STAG3: variants seen among roughly 807,000 people sequenced by gnomAD.
STAG3 encodes the protein STAG3 cohesin complex component.
Under a neutral mutation model 160.7 loss-of-function variants are expected in STAG3, and 101 were observed. The ratio of observed to expected loss-of-function variants is 0.63; its 90% CI spans 0.54 to 0.74. STAG3 has a LOEUF of 0.74. Among genes scored for constraint, STAG3 ranks in the 30% least tolerant of loss-of-function variants. STAG3 has a pLI of 0.00. For synonymous variants in STAG3, 519 were observed against 585.0 expected (o/e 0.89, Z 1.63); for missense variants, 1,188 against 1,517.4 (o/e 0.78, Z 3.61).
At chr7:100,183,466 C>T (rs1195790266) in intron 4 of STAG3, among the ~76,000 whole-genome samples, 6 of 152,192 alleles carry the variant, frequency 3.9e-5, no homozygotes, top group African/African-American at 1.4e-4. Context: ...TTAGCTCCAT[C>T]TTGACAATTA....
At position 100,205,334 on chromosome 7, in the gene STAG3, C is replaced by A; in HGVS notation, c.3188C>A (p.Ala1063Glu). 1 of 1,614,190 alleles carries A rather than the reference C, an allele frequency of 6.2e-7. No individual in the cohort carries two copies. Among genetic ancestry groups the A allele is most frequent in the Non-Finnish European group, 8.5e-7 (1 of 1,180,026 alleles). ...CHSLSPVENT[A>E]ETSPQVLPSS... ...TCCCTCAGCCCTGTGGAGAACACAG[C>A]AGAGACCAGCCCTCAGGTCCTCCCC... is the stretch of plus-strand genomic sequence containing the variant. Residue 1063 changes from alanine to glutamate, a missense_variant, in exon 29 of 34, where the codon GCA (alanine) becomes GAA (glutamate). Coordinates refer to ENST00000615138, the MANE Select transcript of STAG3 (RefSeq NM_001282717.2).
At chr7:100,212,153 G>C (rs1023629051) in intron 32 of STAG3, 2 of 315,466 alleles carry the variant, frequency 6.3e-6, no homozygotes, top group Non-Finnish European at 1.2e-5. Flanking sequence ...GAACCCCCTA[G>C]GAATTGGAAG....
At position 100,180,569 on chromosome 7, in the gene STAG3, T is replaced by C. The variant is rs2272340; in HGVS notation, c.13T>C (p.Leu5=). The change falls in exon 2 of 34, where the codon TTG becomes CTG. Residue 5 remains leucine (L), a synonymous_variant. Transcript: ENST00000615138. MSSP[L]QRAVGDTKRA... is the part of the protein sequence containing the mutation. ...CTCCTCTCCAAGCATGTCTTCCCCG[T>C]TGCAAAGAGCTGTGGGAGATACCAA... 6.2e-7 allele frequency: 1 copy of C among 1,609,096 alleles called. No homozygotes were observed.
intron 9 of STAG3, among the ~76,000 whole-genome samples, chr7:100,195,913 T>C (rs949111396): frequency 8.5e-5 from 13 of 152,194 alleles, no homozygotes; most frequent in Admixed American, 2.0e-4. Context: ...GCAGATCACC[T>C]GAGGTCAGGA....
downstream of STAG3, among the ~76,000 whole-genome samples, chr7:100,215,474 G>A (rs748825156): frequency 5.1e-4 from 78 of 152,316 alleles, no homozygotes; most frequent in Middle Eastern, 3.4e-3. Context: ...TCTTTCGCCT[G>A]TATTCAGGTA....
At chr7:100,197,491 G>C (rs751117255) in intron 10 of STAG3, 28 of 730,608 alleles carry the variant, frequency 3.8e-5, no homozygotes, top group Non-Finnish European at 6.7e-5. Flanking sequence ...CTCAAAACCT[G>C]AGGTACGGGG....
At chr7:100,198,398 T>C in intron 12 of STAG3, 77 bp from the exon 13 acceptor site, 1 of 1,509,116 alleles carries the variant, frequency 6.6e-7, no homozygotes, top group Non-Finnish European at 9.2e-7. Context: ...TGCTTTTGCC[T>C]CTTTTTGTTT....
intron 21 of STAG3, 122 bp downstream of exon 21, chr7:100,201,473 AGG>A: frequency 1.2e-6 from 1 of 843,110 alleles, no homozygotes. Flanking sequence ...GAGGAAGATC[AGG>A]TGGGTGGGGG....
chr7:100,198,643 G>C lies in STAG3; in HGVS notation c.1352+61G>C, dbSNP rs1328529450. 2.7e-6 allele frequency: 4 copies of C among 1,501,862 alleles called. No homozygotes were observed. In the African/African-American group the frequency reaches 4.1e-5, roughly 16 times the overall value. The allele number at this position is 1,501,862 out of a possible 1,614,324, so 93.0% of individuals were successfully genotyped here. ...CGCTCTCGGTTTCTCTCCTCCATCT[G>C]CTGCTGCCCTACCTAAGGCTTCCCC... On this transcript the variant is annotated intron_variant, in intron 13 of 33. Transcript: ENST00000615138.
At chr7:100,210,121 T>G (rs1802043292) in intron 29 of STAG3, among the ~76,000 whole-genome samples, 1 of 152,294 alleles carries the variant, frequency 6.6e-6, no homozygotes, top group Admixed American at 6.5e-5. Context: ...CCCTCGGGCA[T>G]CACACCATTA....
chr7:100,216,005 A>T (rs1344273505), downstream of STAG3, among the ~76,000 whole-genome samples: 1 of 152,196 alleles, frequency 6.6e-6, no homozygotes, highest in East Asian at 1.9e-4. Context: ...TCCTGCCAGC[A>T]GTCCTCACCG....
Position 100,184,462 on chromosome 7 carries a change from A to AG in STAG3, c.336+1624dup, listed in dbSNP as rs147873229. ...CTTATATGCAGTTGTACAGCGTGTT[A>AG]GTTTTTTTTTTTTTTTTTTTTTTTG... On this transcript the variant is annotated intron_variant, in intron 4 of 33. Coordinates refer to ENST00000615138, the MANE Select transcript of STAG3 (RefSeq NM_001282717.2). Among the ~76,000 whole-genome samples the AG allele has an allele frequency of 1.0e-3, 88 of 86,572 alleles. 2 individuals carry two copies. Among genetic ancestry groups the AG allele is most frequent in the African/African-American group, 2.8e-3 (63 of 22,396 alleles). The allele number at this position is 86,572 out of a possible 152,430, so 56.8% of individuals were successfully genotyped here.
In STAG3 at chr7:100,188,827, C is replaced by A; in HGVS notation, c.526C>A (p.Pro176Thr). The A allele has an allele frequency of 6.2e-7, 1 of 1,614,058 alleles. No individual in the cohort carries two copies. Among genetic ancestry groups the A allele is most frequent in the Non-Finnish European group, 8.5e-7 (1 of 1,180,016 alleles). Reference sequence around the variant, plus strand: ...CCTTTTGTAGGACTCGGGGGACTACCCTCTCATAGCTCCAGGTCCATCCTG... The same window carrying A: ...CCTTTTGTAGGACTCGGGGGACTACACTCTCATAGCTCCAGGTCCATCCTG... ...EQFNEDSGDY[P>T]LIAPGPSWKK... The change falls in exon 7 of 34, where the codon CCT (proline) becomes ACT (threonine). Residue 176 changes from proline to threonine, a missense_variant. Coordinates refer to ENST00000615138, the MANE Select transcript of STAG3 (RefSeq NM_001282717.2).
At chr7:100,204,796 G>A (rs775243106) in intron 27 of STAG3, 21 bp downstream of exon 27, 4 of 1,612,746 alleles carry the variant, frequency 2.5e-6, no homozygotes, top group Non-Finnish European at 3.4e-6. Flanking sequence ...TTGGTTGCAG[G>A]TTGTGTCCAG....
At chr7:100,213,878 T>A (rs1802525109) in intron 33 of STAG3, 72 bp downstream of exon 33, 1 of 1,613,498 alleles carries the variant, frequency 6.2e-7, no homozygotes, top group Admixed American at 1.7e-5. Context: ...CTCATCAAAT[T>A]GACAGGCCAT....
intron 2 of STAG3, chr7:100,181,034 A>C: frequency 5.7e-6 from 1 of 175,390 alleles, no homozygotes; most frequent in South Asian, 1.2e-4. Context: ...TCTTAAACAC[A>C]TTTCTATGTT....
At chr7:100,182,224 T>C (rs1198958889) in intron 3 of STAG3, 32 bp downstream of exon 3, 1 of 1,529,282 alleles carries the variant, frequency 6.5e-7, no homozygotes. Flanking sequence ...TGTTTTTGAA[T>C]CTTGTGGGGG....
chr7:100,203,950 G>C, intron 25 of STAG3, 71 bp from the exon 26 acceptor site: 1 of 973,172 alleles, frequency 1.0e-6, no homozygotes, highest in Admixed American at 1.7e-5. Context: ...ACATGATTAG[G>C]GATGTGAAGG....
At chr7:100,215,312 C>G (rs1020571525), downstream of STAG3, 1 of 152,186 alleles carries the variant, frequency 6.6e-6, no homozygotes, top group African/African-American at 2.4e-5. Context: ...GTCACTCATC[C>G]AAGACCACCT....
Sources: allele counts gnomAD v4.1 joint callset (sites outside exome capture counted in the v4.1 genomes callset), GRCh38; gene constraint gnomAD v4.1.1; transcripts MANE v1.5; gene names NCBI Gene and HGNC (gene_info 2026-07-23, HGNC 2026-07-21).